The following ODAD1 variants were observed in gnomAD, a reference collection of about 807,000 sequenced individuals.
ODAD1 encodes outer dynein arm docking complex subunit 1.
ODAD1 carries 49 observed loss-of-function variants against 67.2 expected under a neutral mutation model. The ratio of observed to expected loss-of-function variants is 0.73; its 90% CI spans 0.58 to 0.92. The LOEUF (loss-of-function observed/expected upper bound fraction) is 0.92, where lower values mean the gene tolerates loss of function less well. Among genes scored for constraint, ODAD1 ranks in the 40% least tolerant of loss-of-function variants. The pLI is 0.00. For synonymous variants in ODAD1, 345 were observed against 393.7 expected (o/e 0.88, Z 1.46); for missense variants, 897 against 953.7 (o/e 0.94, Z 0.78).
chr19:48,318,826 C>A lies in ODAD1; in HGVS notation c.71-14G>T, dbSNP rs1390960074. 1.7e-5 allele frequency: 25 copies of A among 1,513,158 alleles called. No individual in the cohort carries two copies. Among genetic ancestry groups the A allele is most frequent in the Non-Finnish European group, 2.1e-5 (23 of 1,113,076 alleles). 93.7% of individuals were successfully genotyped at this position (1,513,158 alleles called of 1,614,324 possible). Reference sequence around the variant, plus strand: ...GCTCCCAATCCACTGAGAACAGGGCCAGCCAAGGGACTCAGCAGGGATCCT... The same window carrying A: ...GCTCCCAATCCACTGAGAACAGGGCAAGCCAAGGGACTCAGCAGGGATCCT... On this transcript the variant is annotated splice_polypyrimidine_tract_variant and intron_variant, in intron 3 of 15. Coordinates refer to ENST00000674294, the MANE Select transcript of ODAD1 (RefSeq NM_001364171.2).
Position 48,304,106 on chromosome 19 carries a change from C to A in ODAD1, c.700G>T (p.Glu234Ter), listed in dbSNP as rs1244803323. The change falls in exon 9 of 16, where the codon GAG (glutamate) becomes TAG (stop). Residue 234 changes from glutamate (E) to a stop codon, truncating the protein, a stop_gained. Transcript: ENST00000674294. LOFTEE classifies it high-confidence loss of function. ...EAKAKMGLLRERAEKEEAQSE... is the reference protein window; with the variant it reads ...EAKAKMGLLR ...TGGGCCTCCTCTTTCTCCGCGCGCT[C>A]CCGCAGCAAGCCCATCTTGGCCTTC... 4.3e-6 allele frequency: 7 copies of A among 1,612,916 alleles called. No individual in the cohort carries two copies. Among genetic ancestry groups the A allele is most frequent in the Admixed American group, 3.3e-5 (2 of 59,974 alleles).
Position 48,297,475 on chromosome 19 carries a change from A to C in ODAD1, c.1625T>G (p.Leu542Arg). 3 of 1,602,574 alleles carry C rather than the reference A, an allele frequency of 1.9e-6. No individual in the cohort carries two copies. The highest frequency in any genetic ancestry group is 2.5e-6 in the Non-Finnish European group (3 of 1,177,138). ...GTCCAGCTTCGCGGCGGCGGCGGCC[A>C]GGTCCTTCTGGCGCTGCGCCTCCGC... is the stretch of plus-strand genomic sequence containing the variant. ...EQAEAQRQKD[L>R]AAAAAKLDGT... The change falls in exon 16 of 16, where the codon CTG becomes CGG. Residue 542 changes from leucine (L) to arginine (R), a missense_variant. Leu to Arg is a moderately radical substitution (Grantham distance 102). Coordinates refer to ENST00000674294, the MANE Select transcript of ODAD1 (RefSeq NM_001364171.2).
intron 5 of ODAD1, among the ~76,000 whole-genome samples, chr19:48,315,488 G>A (rs962032124): frequency 6.6e-6 from 1 of 152,164 alleles, no homozygotes; most frequent in Non-Finnish European, 1.5e-5. Flanking sequence ...AGATTGCAGT[G>A]AGCTGAGACT....
chr19:48,321,345 G>A (rs1247989000), intron 1 of ODAD1, among the ~76,000 whole-genome samples: 3 of 152,120 alleles, frequency 2.0e-5, no homozygotes, highest in Non-Finnish European at 2.9e-5. Context: ...GAGGTGCACG[G>A]CTGTGAGGCC....
At chr19:48,303,927 T>TG (rs766667522) in intron 9 of ODAD1, 26 bp downstream of exon 9, 2 of 1,606,786 alleles carry the variant, frequency 1.2e-6, no homozygotes, top group Admixed American at 3.3e-5. Context: ...GCCCTTGAGA[T>TG]GCAAAGGCAG....
chr19:48,307,675 C>T (rs976714157), intron 7 of ODAD1, among the ~76,000 whole-genome samples: 2 of 151,872 alleles, frequency 1.3e-5, no homozygotes, highest in East Asian at 1.9e-4. Flanking sequence ...ATTAGCCGGG[C>T]GTGGTGGCAG....
intron 7 of ODAD1, among the ~76,000 whole-genome samples, chr19:48,310,291 C>T (rs1968723207): frequency 1.3e-5 from 2 of 152,112 alleles, no homozygotes; most frequent in African/African-American, 4.8e-5. Context: ...ACAACACAAA[C>T]GGCCTGGATG....
At chr19:48,319,519 G>C in intron 3 of ODAD1, 2 of 752,788 alleles carry the variant, frequency 2.7e-6, no homozygotes, top group Non-Finnish European at 3.2e-6. Flanking sequence ...AAAAACATTT[G>C]GCAATGTCTG....
rs137875815 is a variant in ODAD1 at position 48,312,100 on chromosome 19, G to A, written c.377C>T (p.Thr126Met). 58 of 1,551,226 alleles carry A rather than the reference G, an allele frequency of 3.7e-5. No homozygotes were observed. In the Admixed American group the frequency reaches 6.5e-4, roughly 17 times the overall value. The change falls in exon 6 of 16, where the codon ACG becomes ATG. Residue 126 changes from threonine (T) to methionine (M), a missense_variant. Thr to Met is a moderately conservative substitution (Grantham distance 81). Transcript: ENST00000674294. Reference sequence around the variant, plus strand: ...ATTCTTACTGTGGGTAAAGATCCGCGTCTCCCACTCCTGGATCTACAAGAA... The same window carrying A: ...ATTCTTACTGTGGGTAAAGATCCGCATCTCCCACTCCTGGATCTACAAGAA... Reference protein sequence around the residue: ...ALDKQIQEWETRIFTHSKNVR... With the variant: ...ALDKQIQEWEMRIFTHSKNVR...
intron 10 of ODAD1, chr19:48,303,299 C>A (rs1968518756): frequency 1.6e-6 from 1 of 619,734 alleles, no homozygotes; most frequent in South Asian, 1.9e-5. Context: ...CACAGAAATA[C>A]ACAGCAAGGC....
At position 48,315,625 on chromosome 19, in the gene ODAD1, T is replaced by C. The variant is rs190975365; in HGVS notation, c.360+2762A>G. ...TCCATCGCCCCTAAAAGTTTCCTCA[T>C]GCCCTTTTGTATTTCCTCACCTCAT... is the stretch of plus-strand genomic sequence containing the variant. On this transcript the variant is annotated intron_variant, in intron 5 of 15. Transcript: ENST00000674294. 2.6e-3 allele frequency among the ~76,000 whole-genome samples: 399 copies of C among 152,296 alleles called. 1 individual carries two copies. Among genetic ancestry groups the C allele is most frequent in the Non-Finnish European group, 5.1e-3 (347 of 68,030 alleles).
At chr19:48,312,788 A>T (rs1223397107) in intron 5 of ODAD1, among the ~76,000 whole-genome samples, 1 of 152,178 alleles carries the variant, frequency 6.6e-6, no homozygotes, top group Non-Finnish European at 1.5e-5. Context: ...TTCTCCTGTC[A>T]TGGCCCCACC....
chr19:48,298,267 G>C lies in ODAD1; in HGVS notation c.1314C>G (p.Ser438Arg), dbSNP rs1204809790. The C allele has an allele frequency of 9.3e-6, 15 of 1,614,072 alleles. No homozygotes were observed. In the Admixed American group the frequency reaches 1.7e-4, roughly 18 times the overall value. The change falls in exon 13 of 16, where the codon AGC (serine) becomes AGG (arginine). Residue 438 changes from serine to arginine, a missense_variant. Ser to Arg is a moderately radical substitution (Grantham distance 110). Coordinates refer to ENST00000674294, the MANE Select transcript of ODAD1 (RefSeq NM_001364171.2). ...AGAGGCCCATGTCCCGGTCTCCCAT[G>C]CTGGTCTTGACCCCAAGGAGGTCAT... ...MIDDLLGVKT[S>R]MGDRDMGLFL...
At chr19:48,321,493 GCAGA>G in intron 1 of ODAD1, 181 bp downstream of exon 1, 1 of 252,466 alleles carries the variant, frequency 4.0e-6, no homozygotes, top group Non-Finnish European at 7.5e-6. Flanking sequence ...ACGGGGCTTC[GCAGA>G]CAGCGAGCGG....
At chr19:48,304,660 G>A (rs115112635) in intron 8 of ODAD1, among the ~76,000 whole-genome samples, 4,493 of 150,888 alleles carry the variant, frequency 0.03, 226 homozygotes, top group African/African-American at 0.1. Context: ...AAAAGAGTGC[G>A]ACATCATATT....
chr19:48,302,612 A>T, intron 12 of ODAD1, 82 bp downstream of exon 12: 1 of 1,208,384 alleles, frequency 8.3e-7, no homozygotes, highest in Non-Finnish European at 1.2e-6. Context: ...TTGTCCATGC[A>T]ATGCCTCCAA....
rs1291428185 is a variant in ODAD1 at position 48,313,448 on chromosome 19, C to CAAAAAAA, written c.361-1339_361-1333dup. Among the ~76,000 whole-genome samples the CAAAAAAA allele has an allele frequency of 2.7e-3, 233 of 86,914 alleles. 27 individuals carry two copies. The highest frequency in any genetic ancestry group is 4.3e-3 in the African/African-American group (84 of 19,488). The allele number at this position is 86,914 out of a possible 152,430, so 57.0% of individuals were successfully genotyped here. ...TCTCAAAAAAAAAAAAAAAAAAAAC[C>CAAAAAAA]AAAAAAAAACCTCACATGTTGAAGT... On this transcript the variant is annotated intron_variant, in intron 5 of 15. Coordinates refer to ENST00000674294, the MANE Select transcript of ODAD1 (RefSeq NM_001364171.2).
chr19:48,312,293 A>G (rs965252124), intron 5 of ODAD1, among the ~76,000 whole-genome samples, 177 bp from the exon 6 acceptor site: 10 of 151,756 alleles, frequency 6.6e-5, no homozygotes, highest in African/African-American at 2.2e-4. Flanking sequence ...TGGGCCTTCC[A>G]ACCACAGTGT....
intron 7 of ODAD1, among the ~76,000 whole-genome samples, chr19:48,309,202 T>A (rs1262268025): frequency 6.6e-6 from 1 of 151,986 alleles, no homozygotes; most frequent in Non-Finnish European, 1.5e-5. Flanking sequence ...CCCAGTGCCA[T>A]GAATGGCAGC....
Sources: allele counts gnomAD v4.1 joint callset (sites outside exome capture counted in the v4.1 genomes callset), GRCh38; gene constraint gnomAD v4.1.1; transcripts MANE v1.5; gene names NCBI Gene and HGNC (gene_info 2026-07-23, HGNC 2026-07-21).